Variants in SRFBP1 observed in about 807,000 individuals in gnomAD.
SRFBP1 encodes the protein serum response factor-binding protein 1.
SRFBP1 carries 47 observed loss-of-function variants against 45.5 expected under a neutral mutation model. The observed-to-expected ratio is 1.03, with a 90% CI of 0.82 to 1.32. SRFBP1 has a LOEUF of 1.32. SRFBP1 is among the 40% of genes most tolerant of loss of function. The probability of loss-of-function intolerance (pLI) is 0.00; values close to 1 mark genes in which losing one functional copy is unlikely to be tolerated. For synonymous variants in SRFBP1, 203 were observed against 166.3 expected (o/e 1.22, Z -1.70); for missense variants, 621 against 484.6 (o/e 1.28, Z -2.64).
intron 4 of SRFBP1, among the ~76,000 whole-genome samples, chr5:121,998,354 T>C (rs1476375320): frequency 6.7e-6 from 1 of 148,980 alleles, no homozygotes; most frequent in African/African-American, 2.5e-5. Context: ...GATGAGTTCA[T>C]GTCCTTTGTA....
chr5:122,051,951 G>A lies in SRFBP1; in HGVS notation n.312-23364G>A, dbSNP rs192173357. Among the ~76,000 whole-genome samples, 405 of 152,164 alleles carry A rather than the reference G, an allele frequency of 2.7e-3. 1 individual carries two copies. The highest frequency in any genetic ancestry group is 4.3e-3 in the Non-Finnish European group (292 of 67,980). On this transcript the variant is annotated intron_variant and non_coding_transcript_variant, in intron 2 of 2. Transcript: ENST00000504881. ...CTTGTAAGGCAGGTCTGATGATAAT[G>A]AATTCCCTCAGCATTTGGTTGTCTG...
In SRFBP1 at chr5:121,961,986, G is replaced by A. The variant is rs200115815; in HGVS notation, c.-47G>A. On this transcript the variant is annotated 5_prime_UTR_variant, in exon 1 of 8. Coordinates refer to ENST00000339397, the MANE Select transcript of SRFBP1 (RefSeq NM_152546.3). ...GTGGCGACGCAGCCGCGGTCTGAGA[G>A]ACCGGTTCACGTGCAGGCAGCGGCG... 18 of 1,613,368 alleles carry A rather than the reference G, an allele frequency of 1.1e-5. No homozygotes were observed. The East Asian group carries it at 2.5e-4, about 22-fold the overall frequency.
At chr5:122,077,948 A>C (rs1754692774), downstream of SRFBP1, 3 of 1,486,568 alleles carry the variant, frequency 2.0e-6, no homozygotes, top group South Asian at 4.3e-5. This position sits in a 1 kb window ranked among gnomAD's most constrained non-coding sequence, Gnocchi z 4.9. Flanking sequence ...GCAGAGCTGC[A>C]AAGGCCCGAG....
intron 2 of SRFBP1, chr5:122,066,084 A>C (rs1368872039): frequency 6.6e-6 from 1 of 152,130 alleles, no homozygotes; most frequent in Non-Finnish European, 1.5e-5. Context: ...AAGTTGACTC[A>C]AGTCAAAATG....
chr5:121,986,015 T>A (rs554953326), intron 3 of SRFBP1, among the ~76,000 whole-genome samples: 29 of 151,982 alleles, frequency 1.9e-4, no homozygotes, highest in African/African-American at 6.3e-4. Flanking sequence ...CACATATATA[T>A]GATATTTAAA....
chr5:122,071,217 GTGTA>G (rs200575800), intron 2 of SRFBP1, among the ~76,000 whole-genome samples: 1 of 148,534 alleles, frequency 6.7e-6, no homozygotes, highest in Non-Finnish European at 1.5e-5. Flanking sequence ...GTGTGTGTGT[GTGTA>G]TAAAAATTCA....
At chr5:122,064,005 G>A (rs181164907) in intron 2 of SRFBP1, 2 of 151,894 alleles carry the variant, frequency 1.3e-5, no homozygotes, top group African/African-American at 2.4e-5. Context: ...TAGCCTCAGA[G>A]GTCAAGACAT....
At chr5:122,057,907 C>T (rs2152580541) in intron 2 of SRFBP1, among the ~76,000 whole-genome samples, 1 of 151,964 alleles carries the variant, frequency 6.6e-6, no homozygotes, top group South Asian at 2.1e-4. Context: ...TCTAACTCCT[C>T]AACTCAAGCA....
In SRFBP1 at chr5:121,966,457, C is replaced by G. The variant is rs559291614; in HGVS notation, c.36+4389C>G. 3.3e-5 allele frequency among the ~76,000 whole-genome samples: 5 copies of G among 152,240 alleles called. No individual in the cohort carries two copies. In the East Asian group the frequency reaches 9.7e-4, roughly 29 times the overall value. The stretch of plus-strand genomic sequence containing the variant: ...TAATAAGAAGTAGGTATATAATGGG[C>G]AGATGAAAGCATGGATAGCATAACT... On this transcript the variant is annotated intron_variant, in intron 1 of 7. Coordinates refer to ENST00000339397, the MANE Select transcript of SRFBP1 (RefSeq NM_152546.3).
At chr5:121,986,279 G>A (rs905070941) in intron 3 of SRFBP1, among the ~76,000 whole-genome samples, 1 of 151,958 alleles carries the variant, frequency 6.6e-6, no homozygotes, top group African/African-American at 2.4e-5. Context: ...AGTAAGAGGA[G>A]TACTGAGACT....
At chr5:122,003,512 T>G (rs1391467097) in intron 4 of SRFBP1, among the ~76,000 whole-genome samples, 1 of 152,188 alleles carries the variant, frequency 6.6e-6, no homozygotes, top group Non-Finnish European at 1.5e-5. Context: ...CAATAATTGG[T>G]TTTTTGCCAT....
intron 4 of SRFBP1, among the ~76,000 whole-genome samples, chr5:121,997,236 G>A (rs1752747381): frequency 1.3e-5 from 2 of 148,896 alleles, no homozygotes; most frequent in Admixed American, 1.3e-4. Context: ...AACAAAGCTG[G>A]AGGCATCACA....
At chr5:122,029,228 A>G (rs187004785), downstream of SRFBP1, among the ~76,000 whole-genome samples, 1 of 152,184 alleles carries the variant, frequency 6.6e-6, no homozygotes, top group East Asian at 1.9e-4. Context: ...TATAGCCCAA[A>G]ATGTTAACAG....
chr5:122,036,160 A>G (rs771168911), intron 2 of SRFBP1, among the ~76,000 whole-genome samples: 5 of 152,022 alleles, frequency 3.3e-5, no homozygotes, highest in Admixed American at 6.6e-5. Context: ...TGAACTAACA[A>G]TTCTTTCTGA....
At chr5:122,052,552 G>A (rs1754007615) in intron 2 of SRFBP1, among the ~76,000 whole-genome samples, 1 of 152,074 alleles carries the variant, frequency 6.6e-6, no homozygotes, top group Non-Finnish European at 1.5e-5. Flanking sequence ...TGTGAATACT[G>A]TGTTTGCATT....
At chr5:121,974,830 C>T (rs1580500326) in intron 2 of SRFBP1, among the ~76,000 whole-genome samples, 1 of 151,802 alleles carries the variant, frequency 6.6e-6, no homozygotes, top group African/African-American at 2.4e-5. Flanking sequence ...ATGATGTAAG[C>T]ATGAATACTT....
At chr5:122,030,479 C>A (rs1022288596), downstream of SRFBP1, among the ~76,000 whole-genome samples, 1 of 152,100 alleles carries the variant, frequency 6.6e-6, no homozygotes, top group Admixed American at 6.6e-5. Flanking sequence ...ATTATTTGAC[C>A]TGACCAATGG....
intron 4 of SRFBP1, among the ~76,000 whole-genome samples, chr5:122,005,552 A>G (rs1348332281): frequency 6.6e-6 from 1 of 152,120 alleles, no homozygotes; most frequent in Non-Finnish European, 1.5e-5. Flanking sequence ...TCTTATAGGC[A>G]GCATATGGTT....
At chr5:121,988,567 A>G (rs572144315) in intron 3 of SRFBP1, among the ~76,000 whole-genome samples, 1 of 152,380 alleles carries the variant, frequency 6.6e-6, no homozygotes, top group South Asian at 2.1e-4. Flanking sequence ...GTTGTCAACC[A>G]GGAAAGCTCA....
Sources: gnomAD v4.1 joint callset for allele counts (sites outside exome capture counted in the v4.1 genomes callset) on GRCh38, gnomAD v4.1.1 for gene constraint, Gnocchi (gnomAD v3.1) non-coding constraint, MANE v1.5 for transcripts, NCBI Gene and HGNC (gene_info 2026-07-23, HGNC 2026-07-21) for gene names.